DMD: variants seen among roughly 807,000 people sequenced by gnomAD.
DMD encodes the protein mutant dystrophin.
DMD carries 63 observed loss-of-function variants against 330.1 expected under a neutral mutation model. That is an observed-to-expected ratio of 0.19 (90% CI 0.16 to 0.24). The LOEUF (loss-of-function observed/expected upper bound fraction) is 0.24, where lower values mean the gene tolerates loss of function less well. Ranked by LOEUF, DMD falls within the 10% of genes least tolerant of loss-of-function variation. The probability of loss-of-function intolerance (pLI) is 1.00; values close to 1 mark genes in which losing one functional copy is unlikely to be tolerated. For missense variants in DMD, 3,344 were observed against 2,684.1 expected, an observed-to-expected ratio of 1.25 and a Z score of -5.43; for synonymous variants, 1,223 against 959.8, an observed-to-expected ratio of 1.27 and a Z score of -5.07.
At chrX:33,103,925 C>A (rs969422000) in intron 1 of DMD, among the ~76,000 whole-genome samples, 24 of 111,579 alleles carry the variant, frequency 2.2e-4, no homozygotes, top group African/African-American at 7.5e-4. Context: ...ATCATTATTT[C>A]TTTAAATATA....
intron 74 of DMD, among the ~76,000 whole-genome samples, chrX:31,152,457 C>T (rs2037550340): frequency 8.9e-6 from 1 of 112,040 alleles, no homozygotes; most frequent in African/African-American, 3.2e-5. Flanking sequence ...AGCCACTGCA[C>T]CTGGTCTGAG....
chrX:32,774,684 A>G (rs759805054), intron 7 of DMD, among the ~76,000 whole-genome samples: 93 of 110,587 alleles, frequency 8.4e-4, no homozygotes, highest in Non-Finnish European at 1.6e-3. Context: ...CCATCCCCCA[A>G]ATGATCCAAT....
intron 44 of DMD, among the ~76,000 whole-genome samples, chrX:31,991,109 CAG>C (rs1223728629): frequency 9.0e-6 from 1 of 111,530 alleles, no homozygotes. Context: ...TGCAAGAACA[CAG>C]GGGGATTTAT....
At chrX:31,616,547 T>C (rs1307541437) in intron 55 of DMD, among the ~76,000 whole-genome samples, 1 of 111,140 alleles carries the variant, frequency 9.0e-6, no homozygotes, top group Non-Finnish European at 1.9e-5. Context: ...AAGAGGGGAG[T>C]CATATATTAT....
intron 2 of DMD, among the ~76,000 whole-genome samples, chrX:33,016,663 T>C (rs1028341665): frequency 3.3e-4 from 37 of 111,847 alleles, no homozygotes; most frequent in African/African-American, 1.2e-3. Context: ...AGAGTGAGTA[T>C]GGAAATAAAG....
upstream of DMD, among the ~76,000 whole-genome samples, chrX:33,215,428 G>C (rs1351378028): frequency 9.0e-6 from 1 of 111,134 alleles, no homozygotes; most frequent in African/African-American, 3.3e-5. Context: ...TGGATACTAG[G>C]CCTTTGTCAG....
At chrX:32,427,611 C>G (rs1333754411) in intron 29 of DMD, among the ~76,000 whole-genome samples, 12 of 97,708 alleles carry the variant, frequency 1.2e-4, no homozygotes, top group African/African-American at 3.8e-4. Flanking sequence ...TCATTTTTGT[C>G]TGATTTTGGT....
At chrX:31,359,698 C>T (rs1240395042) in intron 60 of DMD, among the ~76,000 whole-genome samples, 1 of 111,492 alleles carries the variant, frequency 9.0e-6, no homozygotes, top group Non-Finnish European at 1.9e-5. Context: ...TTACTGTACC[C>T]CCAGGACCCA....
At chrX:32,487,324 G>T (rs1481132303) in intron 20 of DMD, among the ~76,000 whole-genome samples, 1 of 111,279 alleles carries the variant, frequency 9.0e-6, no homozygotes, top group African/African-American at 3.3e-5. Flanking sequence ...TATCATGGCT[G>T]CTTACTTACA....
intron 62 of DMD, among the ~76,000 whole-genome samples, chrX:31,272,867 A>G (rs1320518119): frequency 8.9e-6 from 1 of 112,153 alleles, no homozygotes; most frequent in East Asian, 2.8e-4. Context: ...AAATACTCAC[A>G]TTTTCTGATC....
intron 13 of DMD, among the ~76,000 whole-genome samples, chrX:32,584,512 C>G (rs916919942): frequency 1.8e-5 from 2 of 111,784 alleles, no homozygotes; most frequent in African/African-American, 6.5e-5. Context: ...TGCTTCCGAA[C>G]TGGAAACAAC....
At chrX:31,988,827 C>T (rs914020291) in intron 44 of DMD, among the ~76,000 whole-genome samples, 11 of 110,775 alleles carry the variant, frequency 9.9e-5, no homozygotes, top group Non-Finnish European at 1.9e-4. Flanking sequence ...GAGGGAGAGA[C>T]TTATTGTAAT....
chrX:32,066,710 A>G (rs1288712393), intron 44 of DMD, among the ~76,000 whole-genome samples: 2 of 111,531 alleles, frequency 1.8e-5, no homozygotes, highest in East Asian at 2.8e-4. Context: ...CTGAAGAGAT[A>G]ATAATAATGA....
intron 55 of DMD, among the ~76,000 whole-genome samples, chrX:31,545,623 G>A (rs1008923320): frequency 6.2e-5 from 7 of 112,366 alleles, no homozygotes; most frequent in Admixed American, 9.4e-5. Flanking sequence ...GAAGTTGTGA[G>A]AATGGGCATT....
At chrX:32,976,140 G>GATAAA (rs2092542462) in intron 2 of DMD, among the ~76,000 whole-genome samples, 1 of 110,179 alleles carries the variant, frequency 9.1e-6, no homozygotes, top group Non-Finnish European at 1.9e-5. Flanking sequence ...AGAATCGCTT[G>GATAAA]AAGCTGGGAG....
chrX:31,203,795 C>G (rs780476390), intron 67 of DMD, among the ~76,000 whole-genome samples, 166 bp downstream of exon 67: 25 of 112,042 alleles, frequency 2.2e-4, no homozygotes, highest in African/African-American at 8.1e-4. Context: ...TTTCCCAAAA[C>G]CTAGAGTTCC....
intron 52 of DMD, among the ~76,000 whole-genome samples, chrX:31,702,513 G>C (rs748915015): frequency 1.8e-5 from 2 of 111,606 alleles, no homozygotes; most frequent in Non-Finnish European, 3.8e-5. Context: ...CTTTAACCAA[G>C]AAGATGCCGA....
chrX:31,842,834 A>G (rs150828103), intron 48 of DMD, among the ~76,000 whole-genome samples: 4,550 of 111,371 alleles, frequency 0.041, 112 homozygotes, highest in Non-Finnish European at 0.068. Flanking sequence ...GATAGTGCGC[A>G]CCGTATCTAA....
intron 1 of DMD, among the ~76,000 whole-genome samples, chrX:33,279,503 A>C (rs1407371344): frequency 9.1e-6 from 1 of 110,145 alleles, no homozygotes; most frequent in African/African-American, 3.3e-5. Context: ...GTGTTTTGGT[A>C]CTATAAGGCT....
Sources: gnomAD v4.1 joint callset for allele counts (sites outside exome capture counted in the v4.1 genomes callset) on GRCh38, gnomAD v4.1.1 for gene constraint, MANE v1.5 for transcripts, NCBI Gene and HGNC (gene_info 2026-07-23, HGNC 2026-07-21) for gene names.